Variants in EZR observed in about 807,000 individuals in gnomAD.
EZR encodes cytovillin 2.
A neutral mutation model predicts 74.8 loss-of-function variants in EZR; 40 were observed. The ratio of observed to expected loss-of-function variants is 0.53; its 90% confidence interval spans 0.42 to 0.70. The LOEUF is 0.70. Among genes scored for constraint, EZR ranks in the 30% least tolerant of loss-of-function variants. The pLI is 0.00. For synonymous variants in EZR, 341 were observed against 283.3 expected, an observed-to-expected ratio of 1.20 and a Z score of -2.05; for missense variants, 678 against 755.8, an observed-to-expected ratio of 0.90 and a Z score of 1.21.
chr6:158,793,815 A>T (rs1195364666), intron 2 of EZR, among the ~76,000 whole-genome samples: 1 of 152,232 alleles, frequency 6.6e-6, no homozygotes, highest in Non-Finnish European at 1.5e-5. Flanking sequence ...ACTGCATGAT[A>T]AACAGTTCCA....
intron 2 of EZR, among the ~76,000 whole-genome samples, chr6:158,801,831 C>T (rs576429936): frequency 2.6e-5 from 4 of 152,306 alleles, no homozygotes; most frequent in Admixed American, 1.3e-4. Context: ...AGGAACATGA[C>T]GCACAAAAGT....
At chr6:158,795,739 C>G (rs9364500) in intron 2 of EZR, among the ~76,000 whole-genome samples, 61,999 of 152,036 alleles carry the variant, frequency 0.41, 13,299 homozygotes, top group Non-Finnish European at 0.49. Context: ...ATCAGCCTCA[C>G]CATCAGAATC....
chr6:158,788,910 G>T (rs1034632818), intron 3 of EZR, among the ~76,000 whole-genome samples: 1 of 152,148 alleles, frequency 6.6e-6, no homozygotes, highest in African/African-American at 2.4e-5. Flanking sequence ...TCTGGAGGTG[G>T]AGGCAGCTGC....
chr6:158,778,033 C>T (rs1392005321), intron 7 of EZR, among the ~76,000 whole-genome samples: 1 of 152,214 alleles, frequency 6.6e-6, no homozygotes, highest in Non-Finnish European at 1.5e-5. Flanking sequence ...ACCACCTTGC[C>T]CTGCTACTGA....
intron 2 of EZR, among the ~76,000 whole-genome samples, chr6:158,814,837 C>T (rs185323537): frequency 8.5e-5 from 13 of 152,156 alleles, no homozygotes; most frequent in African/African-American, 3.1e-4. Context: ...CACTGTGTAC[C>T]GCCTCAGTCT....
rs754653898 is a variant in EZR at position 158,785,551 on chromosome 6, G to C, written c.225C>G (p.Pro75=). 7 of 1,614,082 alleles carry C rather than the reference G, an allele frequency of 4.3e-6. No homozygotes were observed. In the East Asian group the frequency reaches 1.6e-4, roughly 36 times the overall value. Residue 75 remains proline, a synonymous_variant, in exon 5 of 14, where the codon CCC becomes CCG. Transcript: ENST00000367075. Reference sequence around the variant, plus strand: ...ACTTGGCCCGGAACTTGAACTGGAGGGGATTCTCCTTCCTGACCTCCTGGG... The same window carrying C: ...ACTTGGCCCGGAACTTGAACTGGAGCGGATTCTCCTTCCTGACCTCCTGGG... The part of the protein sequence containing the change: ...VSAQEVRKEN[P]LQFKFRAKFY...
chr6:158,780,060 G>A (rs1338235752), intron 7 of EZR, among the ~76,000 whole-genome samples: 2 of 151,990 alleles, frequency 1.3e-5, no homozygotes, highest in African/African-American at 4.8e-5. Flanking sequence ...GCATGTGCCT[G>A]TAATCCTGGC....
chr6:158,789,345 A>T lies in EZR; in HGVS notation c.39T>A (p.Asp13Glu). ...KPINVRVTTM[D>E]AELEFAIQPN... ...GCTGGATTGCAAACTCCAGCTCTGC[A>T]TCCATGGTGGTAACTCGGACATTGA... The change falls in exon 3 of 14, where the codon GAT (aspartate) becomes GAA (glutamate). Residue 13 changes from aspartate (D) to glutamate (E), a missense_variant. By Grantham distance (45) the Asp-to-Glu change is conservative. Around this residue, in one of 3 missense-constraint regions of EZR, gnomAD observed 217 missense variants for 232.2 expected, o/e 0.93. Transcript: ENST00000367075. 1 of 1,614,206 alleles carries T rather than the reference A, an allele frequency of 6.2e-7. No individual in the cohort carries two copies. The highest frequency in any genetic ancestry group is 8.5e-7 in the Non-Finnish European group (1 of 1,179,998).
intron 2 of EZR, among the ~76,000 whole-genome samples, chr6:158,814,272 T>TGCC (rs569625056): frequency 1.7e-3 from 265 of 152,272 alleles, no homozygotes; most frequent in African/African-American, 6.1e-3. Flanking sequence ...TGTGGAGTGC[T>TGCC]GCCGCGTGCG....
At chr6:158,781,215 A>G (rs979326594) in intron 7 of EZR, among the ~76,000 whole-genome samples, 1 of 152,196 alleles carries the variant, frequency 6.6e-6, no homozygotes, top group African/African-American at 2.4e-5. Flanking sequence ...CAAGTTGTCA[A>G]TATTTGTTCA....
chr6:158,770,230 G>C (rs547200584), intron 10 of EZR, among the ~76,000 whole-genome samples: 1 of 152,200 alleles, frequency 6.6e-6, no homozygotes, highest in Non-Finnish European at 1.5e-5. Flanking sequence ...TCAGCCGCCC[G>C]CTGTGCTGGT....
rs1412429992 is a variant in EZR, at chr6:158,767,433, G to A, written c.1424C>T (p.Pro475Leu). 6.2e-7 allele frequency: 1 copy of A among 1,613,564 alleles called. No individual in the cohort carries two copies. ...GTAGCTCACCGGCTCGTACACGGGG[G>A]GTGGTGGGGGCGGGGGTGCTGTCAT... ...LVMTAPPPPP[P>L]PVYEPVSYHV... is the part of the protein sequence containing the mutation. The change falls in exon 13 of 14, where the codon CCC (proline) becomes CTC (leucine). Residue 475 changes from proline to leucine, a missense_variant. Pro to Leu is a moderately conservative substitution (Grantham distance 98, BLOSUM62 -3). Coordinates refer to ENST00000367075, the MANE Select transcript of EZR (RefSeq NM_001111077.2).
At chr6:158,767,985 A>C (rs1271523971) in intron 12 of EZR, among the ~76,000 whole-genome samples, 1 of 151,648 alleles carries the variant, frequency 6.6e-6, no homozygotes, top group African/African-American at 2.4e-5. Flanking sequence ...AGCTCTCCTC[A>C]CTTAACAGGT....
chr6:158,777,185 C>T (rs1032756460), intron 7 of EZR, among the ~76,000 whole-genome samples: 1 of 152,226 alleles, frequency 6.6e-6, no homozygotes, highest in East Asian at 1.9e-4. Context: ...GATCCCATCA[C>T]GTTCCTAGAC....
chr6:158,816,372 A>G (rs1777554146), intron 2 of EZR, among the ~76,000 whole-genome samples: 1 of 152,252 alleles, frequency 6.6e-6, no homozygotes, highest in Admixed American at 6.5e-5. Flanking sequence ...ACCATTCATT[A>G]TGAGAAATGA....
intron 2 of EZR, among the ~76,000 whole-genome samples, chr6:158,791,748 G>A (rs573816180): frequency 8.0e-4 from 86 of 107,110 alleles, no homozygotes; most frequent in African/African-American, 2.7e-3. Flanking sequence ...TTTCTCTGTC[G>A]CCCAGGCTGG....
chr6:158,767,077 G>T lies in EZR; in HGVS notation c.1598C>A (p.Thr533Lys). The T allele has an allele frequency of 6.2e-7, 1 of 1,614,112 alleles. No individual in the cohort carries two copies. Among genetic ancestry groups the T allele is most frequent in the Non-Finnish European group, 8.5e-7 (1 of 1,180,010 alleles). ...GGCCTGGGACAGCTCGCTGCTCAGC[G>T]TCTGTAACATTAAGCAGCATTGGTC... ...KNERVQRQLL[T>K]LSSELSQARD... The change falls in exon 14 of 14, where the codon ACG becomes AAG. Residue 533 changes from threonine (T) to lysine (K), a missense_variant and splice_region_variant. By Grantham distance (78) the Thr-to-Lys change is moderately conservative (BLOSUM62 -1). This residue lies in a region of EZR where 342 missense variants were observed against 341.2 expected (regional missense o/e 1.00). Transcript: ENST00000367075.
chr6:158,774,033 G>A (rs1483220567), intron 8 of EZR, among the ~76,000 whole-genome samples: 1 of 152,202 alleles, frequency 6.6e-6, no homozygotes, highest in Non-Finnish European at 1.5e-5. Context: ...GGTGAGAACT[G>A]GACAAAGACT....
At chr6:158,794,170 T>G (rs1777007884) in intron 2 of EZR, among the ~76,000 whole-genome samples, 1 of 152,038 alleles carries the variant, frequency 6.6e-6, no homozygotes, top group South Asian at 2.1e-4. Flanking sequence ...AGTCCCAGCT[T>G]CTTGGGAGGC....
Sources: allele counts gnomAD v4.1 joint callset (sites outside exome capture counted in the v4.1 genomes callset), GRCh38; gene constraint gnomAD v4.1.1; regional missense constraint gnomAD v4.1.1; transcripts MANE v1.5; gene names NCBI Gene and HGNC (gene_info 2026-07-23, HGNC 2026-07-21).